Variants in MGST2 observed in about 807,000 individuals in gnomAD.
The protein encoded by MGST2 is glutathione peroxidase MGST2.
In MGST2, 9 loss-of-function variants were observed where a neutral mutation model predicts 16.6. The observed-to-expected ratio is 0.54, with a 90% CI of 0.33 to 0.95. MGST2 has a LOEUF of 0.95. MGST2 is among the 40% of genes least tolerant of loss of function. The probability of loss-of-function intolerance (pLI) is 0.03; values close to 1 mark genes in which losing one functional copy is unlikely to be tolerated. For missense variants in MGST2, 159 were observed against 175.1 expected, an observed-to-expected ratio of 0.91 and a Z score of 0.52; for synonymous variants, 79 against 68.0, an observed-to-expected ratio of 1.16 and a Z score of -0.79.
chr4:139,707,883 G>A (rs1371542774), downstream of MGST2, among the ~76,000 whole-genome samples: 4 of 151,580 alleles, frequency 2.6e-5, no homozygotes, highest in Admixed American at 6.6e-5. Flanking sequence ...CATGTCCTTC[G>A]CCCACTTTTT....
chr4:139,691,853 C>A lies in MGST2; in HGVS notation c.159-3344C>A, dbSNP rs1350738421. Among the ~76,000 whole-genome samples the A allele has an allele frequency of 2.0e-5, 3 of 152,154 alleles. No homozygotes were observed. In the East Asian group the frequency reaches 5.8e-4, roughly 29 times the overall value. ...AACTGGGACTACAGGCACCCGCCAC[C>A]ACGCCCGGCTAATTTTTTATATTTT... On this transcript the variant is annotated intron_variant, in intron 2 of 4. Transcript: ENST00000265498.
chr4:139,697,564 A>G (rs1221624975), intron 3 of MGST2, among the ~76,000 whole-genome samples: 1 of 152,224 alleles, frequency 6.6e-6, no homozygotes, highest in Non-Finnish European at 1.5e-5. Context: ...TTGTCATACA[A>G]GGATTTTGCT....
rs1727430014 is a variant in MGST2 at position 139,704,223 on chromosome 4, A to C, written c.*75A>C. 1.9e-6 allele frequency: 3 copies of C among 1,549,456 alleles called. No homozygotes were observed. The African/African-American group carries it at 4.1e-5, about 21-fold the overall frequency. On this transcript the variant is annotated 3_prime_UTR_variant, in exon 5 of 5. Coordinates refer to ENST00000265498, the MANE Select transcript of MGST2 (RefSeq NM_002413.5). ...TAATATGGTATCATTTGTTAAATAA[A>C]AATAAAGTCTTTATTCTGTTTTTCT...
chr4:139,743,183 C>T (rs932521111), downstream of MGST2, among the ~76,000 whole-genome samples: 3 of 152,224 alleles, frequency 2.0e-5, no homozygotes, highest in Non-Finnish European at 4.4e-5. Context: ...AAGTTACACG[C>T]CTCCTTTAAG....
chr4:139,686,314 G>A (rs1731562943), intron 2 of MGST2, among the ~76,000 whole-genome samples: 2 of 152,198 alleles, frequency 1.3e-5, no homozygotes, highest in Admixed American at 1.3e-4. Flanking sequence ...TGTTTGCAGA[G>A]GAAGCCTTCA....
In MGST2 at chr4:139,696,986, T is replaced by C. The variant is rs1444270786; in HGVS notation, c.229+1719T>C. Among the ~76,000 whole-genome samples, 7 of 152,280 alleles carry C rather than the reference T, an allele frequency of 4.6e-5. No homozygotes were observed. The South Asian group carries it at 1.5e-3, about 32-fold the overall frequency. ...CTTCCACGTTGAACTCATGGGGTTC[T>C]GGGTGGTCAGGGACAGTGTCCAATA... On this transcript the variant is annotated intron_variant, in intron 3 of 4. Transcript: ENST00000265498.
At chr4:139,740,898 T>C (rs1332469614), downstream of MGST2, among the ~76,000 whole-genome samples, 1 of 152,182 alleles carries the variant, frequency 6.6e-6, no homozygotes, top group South Asian at 2.1e-4. Flanking sequence ...GAAGAGGCCT[T>C]CCACAAGCTG....
intron 1 of MGST2, among the ~76,000 whole-genome samples, chr4:139,671,589 C>T (rs1730696355): frequency 6.6e-6 from 1 of 152,058 alleles, no homozygotes; most frequent in Admixed American, 6.6e-5. Flanking sequence ...GCCTCAGCCT[C>T]CCGAGTAGCT....
chr4:139,719,049 G>A (rs900092570), intron 5 of MGST2: 9 of 415,198 alleles, frequency 2.2e-5, no homozygotes, highest in Non-Finnish European at 3.0e-5. Flanking sequence ...GGCTCTGGCC[G>A]GCTTCATCTT....
At chr4:139,701,089 TAAC>T (rs1331724233) in intron 3 of MGST2, among the ~76,000 whole-genome samples, 1 of 152,212 alleles carries the variant, frequency 6.6e-6, no homozygotes, top group Non-Finnish European at 1.5e-5. Flanking sequence ...AAGAGCACGT[TAAC>T]AACTAATAAG....
At chr4:139,680,601 C>T (rs1731191361) in intron 2 of MGST2, among the ~76,000 whole-genome samples, 1 of 148,106 alleles carries the variant, frequency 6.8e-6, no homozygotes, top group Non-Finnish European at 1.5e-5. Context: ...CTCCTGTTTT[C>T]CTGTTTATTG....
chr4:139,752,332 C>G, the MGST2 span, among the ~76,000 whole-genome samples: 4,278 of 152,266 alleles, frequency 0.028, 142 homozygotes, highest in East Asian at 0.14. Flanking sequence ...GGTATTTAGG[C>G]CTGTGGTTGC....
chr4:139,699,065 G>C (rs1198186829), intron 3 of MGST2, among the ~76,000 whole-genome samples: 1 of 152,138 alleles, frequency 6.6e-6, no homozygotes, highest in Admixed American at 6.5e-5. Flanking sequence ...ATGAAAAATA[G>C]GCAAAAACCC....
In MGST2 at chr4:139,681,185, A is replaced by G. The variant is rs72945090; in HGVS notation, c.158+2543A>G. 3.3e-3 allele frequency among the ~76,000 whole-genome samples: 506 copies of G among 152,014 alleles called. 4 individuals are homozygous for G. The highest frequency in any genetic ancestry group is 0.012 in the African/African-American group (486 of 41,476). On this transcript the variant is annotated intron_variant, in intron 2 of 4. Transcript: ENST00000265498. ...ATCTGTGCTACAATGCCCTGCTAAT[A>G]TTTGTATTTTTTGGTAGAGATAAGG...
intron 3 of MGST2, among the ~76,000 whole-genome samples, chr4:139,696,969 T>C (rs1726959562): frequency 6.6e-6 from 1 of 152,118 alleles, no homozygotes; most frequent in African/African-American, 2.4e-5. Flanking sequence ...GCCTTCCACG[T>C]TGAACTCATG....
intron 2 of MGST2, among the ~76,000 whole-genome samples, chr4:139,691,952 G>A (rs3775242): frequency 0.17 from 25,924 of 151,956 alleles, 4,421 homozygotes; most frequent in African/African-American, 0.43. Context: ...TGCCCACCTC[G>A]GCCTCCCAAA....
downstream of MGST2, among the ~76,000 whole-genome samples, chr4:139,743,813 T>A (rs1729235529): frequency 6.6e-6 from 1 of 152,214 alleles, no homozygotes; most frequent in South Asian, 2.1e-4. Context: ...ACAAGGCCAA[T>A]CTTGATTTCT....
At chr4:139,738,360 A>G (rs996297472) in intron 5 of MGST2, among the ~76,000 whole-genome samples, 1 of 152,226 alleles carries the variant, frequency 6.6e-6, no homozygotes. Context: ...CCTGGCCAAC[A>G]TGGTGAAACC....
chr4:139,736,815 A>G (rs1232864982), intron 5 of MGST2, among the ~76,000 whole-genome samples: 1 of 152,206 alleles, frequency 6.6e-6, no homozygotes, highest in East Asian at 1.9e-4. Context: ...ATAGAGAATC[A>G]TTGGGGCAAA....
Sources: allele counts gnomAD v4.1 joint callset (sites outside exome capture counted in the v4.1 genomes callset), GRCh38; gene constraint gnomAD v4.1.1; transcripts MANE v1.5; gene names NCBI Gene and HGNC (gene_info 2026-07-23, HGNC 2026-07-21).